Variants in IFIH1 observed in about 807,000 individuals in gnomAD.
The protein encoded by IFIH1 is interferon induced with helicase C domain 1, also known as interferon-induced helicase C domain-containing protein 1.
In IFIH1, 125 loss-of-function variants were observed where a neutral mutation model predicts 107.4. The observed-to-expected ratio is 1.16, with a 90% CI of 1.01 to 1.35. The LOEUF (loss-of-function observed/expected upper bound fraction) is 1.35, where lower values mean the gene tolerates loss of function less well. IFIH1 is among the 40% of genes most tolerant of loss of function. The pLI is 0.00. For missense variants in IFIH1, 1,333 were observed against 1,213.7 expected (o/e 1.10, Z -1.46); for synonymous variants, 458 against 413.2 (o/e 1.11, Z -1.31).
In IFIH1 at chr2:162,318,105, T is replaced by C; in HGVS notation, c.203A>G (p.Lys68Arg). The C allele has an allele frequency of 6.2e-7, 1 of 1,614,194 alleles. No homozygotes were observed. Among genetic ancestry groups the C allele is most frequent in the Non-Finnish European group, 8.5e-7 (1 of 1,180,026 alleles). The change falls in exon 1 of 16, where the codon AAG (lysine) becomes AGG (arginine). Residue 68 changes from lysine to arginine, a missense_variant. Transcript: ENST00000649979. ...AVELLLSTLE[K>R]GVWHLGWTRE... ...AGTCCAACCAAGGTGCCAGACTCCC[T>C]TCTCCAAGGTGCTCAGCAGCAGTTC...
At chr2:162,269,744 C>A (rs1054500851) in intron 13 of IFIH1, among the ~76,000 whole-genome samples, 2 of 152,136 alleles carry the variant, frequency 1.3e-5, no homozygotes, top group African/African-American at 4.8e-5. Context: ...TTGAACAAAG[C>A]CCATCTCTTT....
chr2:162,276,863 C>G lies in IFIH1; in HGVS notation c.2128G>C (p.Glu710Gln). The G allele has an allele frequency of 6.2e-7, 1 of 1,613,524 alleles. No homozygotes were observed. The highest frequency in any genetic ancestry group is 1.7e-4 in the Middle Eastern group (1 of 6,058). Residue 710 changes from glutamate (E) to glutamine (Q), a missense_variant, in exon 11 of 16, where the codon GAG (glutamate) becomes CAG (glutamine). Glu to Gln is a conservative substitution (Grantham distance 29). Coordinates refer to ENST00000649979, the MANE Select transcript of IFIH1 (RefSeq NM_022168.4). ...KLTKLRNTIM[E>Q]QYTRTEESAR... ...GATTCCTCAGTCCTAGTATATTGCT[C>G]CATTATGGTATTTCTTAATTTGGTC...
At chr2:162,278,017 T>C (rs1682734977) in intron 9 of IFIH1, among the ~76,000 whole-genome samples, 188 bp downstream of exon 9, 1 of 152,198 alleles carries the variant, frequency 6.6e-6, no homozygotes, top group African/African-American at 2.4e-5. Flanking sequence ...GAAAATTGGA[T>C]AGCATTGGAA....
At chr2:162,312,563 A>C (rs1281485599) in intron 1 of IFIH1, among the ~76,000 whole-genome samples, 3 of 152,160 alleles carry the variant, frequency 2.0e-5, no homozygotes, top group African/African-American at 7.2e-5. Context: ...TTTTAAATTC[A>C]TTTTCTGGCA....
rs145943538 is a variant in IFIH1 at position 162,311,121 on chromosome 2, G to GACA, written c.454-191_454-189dup. ...AGTCGGCAGGGAAAAAAATCTCCGGGACAACAACAACAACAACAACAAAAA... is the reference window on the plus strand; with the variant it reads ...AGTCGGCAGGGAAAAAAATCTCCGGGACAACAACAACAACAACAACAACAAAAA... On this transcript the variant is annotated intron_variant, in intron 1 of 15. Transcript: ENST00000649979. Among the ~76,000 whole-genome samples the GACA allele has an allele frequency of 6.1e-3, 931 of 151,562 alleles. 5 individuals carry two copies. The highest frequency in any genetic ancestry group is 0.01 in the Admixed American group (155 of 15,242).
Position 162,281,420 on chromosome 2 carries a change from C to T in IFIH1, c.1432G>A (p.Val478Met), listed in dbSNP as rs1018712289. The T allele has an allele frequency of 8.1e-6, 13 of 1,612,600 alleles. No homozygotes were observed. Among genetic ancestry groups the T allele is most frequent in the Non-Finnish European group, 1.0e-5 (12 of 1,179,140 alleles). ...NNRLKKENKP[V>M]IPLPQILGLT... Reference sequence around the variant, plus strand: ...CCCAGTATCTGAGGAAGGGGAATCACTGGTTTGTTTTCTTTCTTGAGTCTA... The same window carrying T: ...CCCAGTATCTGAGGAAGGGGAATCATTGGTTTGTTTTCTTTCTTGAGTCTA... Residue 478 changes from valine (V) to methionine (M), a missense_variant, in exon 7 of 16, where the codon GTG (valine) becomes ATG (methionine). Physicochemically the swap from Val to Met is conservative, Grantham distance 21. Coordinates refer to ENST00000649979, the MANE Select transcript of IFIH1 (RefSeq NM_022168.4).
At chr2:162,311,854 C>A (rs1683389649) in intron 1 of IFIH1, among the ~76,000 whole-genome samples, 1 of 152,070 alleles carries the variant, frequency 6.6e-6, no homozygotes, top group Non-Finnish European at 1.5e-5. Context: ...AAAGAAATTT[C>A]AGAGTTTCTA....
chr2:162,304,814 A>G (rs1683252275), intron 3 of IFIH1, among the ~76,000 whole-genome samples: 1 of 152,250 alleles, frequency 6.6e-6, no homozygotes, highest in Admixed American at 6.5e-5. Context: ...AAGAGAATTC[A>G]GGGAAATAAG....
rs1158864599 is a variant in IFIH1 at position 162,268,077 on chromosome 2, C to T, written c.2807+10G>A. The T allele has an allele frequency of 1.9e-6, 3 of 1,576,878 alleles. No individual in the cohort carries two copies. Among genetic ancestry groups the T allele is most frequent in the Non-Finnish European group, 2.6e-6 (3 of 1,161,686 alleles). On this transcript the variant is annotated intron_variant, in intron 14 of 15. Transcript: ENST00000649979. The stretch of plus-strand genomic sequence containing the variant: ...TGGAAAAATGTAAAAATGGGTCTTT[C>T]TGGACTCACTTGAATTCTGGGGTCA...
intron 3 of IFIH1, among the ~76,000 whole-genome samples, chr2:162,300,441 C>T (rs1683174132): frequency 6.6e-6 from 1 of 152,180 alleles, no homozygotes; most frequent in Admixed American, 6.6e-5. Flanking sequence ...ATATTTATGT[C>T]CCCATTCCTG....
At position 162,317,860 on chromosome 2, in the gene IFIH1, T is replaced by C. The variant is rs2105237729; in HGVS notation, c.448A>G (p.Asn150Asp). 6.4e-7 allele frequency: 1 copy of C among 1,571,680 alleles called. No individual in the cohort carries two copies. Among genetic ancestry groups the C allele is most frequent in the South Asian group, 1.2e-5 (1 of 83,778 alleles). ...CCATCTGAACAGACACCTACCCGGT[T>C]TCTGTCTTCAATTGTCAACAGTTCC... is the stretch of plus-strand genomic sequence containing the variant. The part of the protein sequence containing the change: ...EEELLTIEDR[N>D]RIAAAENNGN... The change falls in exon 1 of 16, where the codon AAC becomes GAC. Residue 150 changes from asparagine (N) to aspartate (D), a missense_variant. Physicochemically the swap from Asn to Asp is conservative, Grantham distance 23. Coordinates refer to ENST00000649979, the MANE Select transcript of IFIH1 (RefSeq NM_022168.4).
intron 1 of IFIH1, among the ~76,000 whole-genome samples, chr2:162,317,418 A>G (rs554183178): frequency 7.2e-5 from 11 of 152,296 alleles, no homozygotes; most frequent in African/African-American, 2.4e-4. Context: ...CACTATCACA[A>G]GCTAAATTCT....
At chr2:162,293,714 A>G (rs752325549) in intron 3 of IFIH1, 46 bp from the exon 4 acceptor site, 3 of 1,337,174 alleles carry the variant, frequency 2.2e-6, no homozygotes, top group Admixed American at 1.7e-5. Context: ...ATTTCTGAGA[A>G]TAAACGTATT....
At chr2:162,307,642 G>T (rs1683309215) in intron 2 of IFIH1, among the ~76,000 whole-genome samples, 1 of 152,144 alleles carries the variant, frequency 6.6e-6, no homozygotes, top group Admixed American at 6.5e-5. Context: ...TGTCAGAGAA[G>T]ACTGATGCCA....
intron 7 of IFIH1, among the ~76,000 whole-genome samples, chr2:162,281,100 A>G (rs1682799045): frequency 6.6e-6 from 1 of 152,040 alleles, no homozygotes; most frequent in South Asian, 2.1e-4. Context: ...CTTCCCATTA[A>G]TTATATCACT....
chr2:162,269,961 T>C (rs1443586554), intron 13 of IFIH1, among the ~76,000 whole-genome samples: 1 of 152,176 alleles, frequency 6.6e-6, no homozygotes, highest in Non-Finnish European at 1.5e-5. Flanking sequence ...TATAAGACAT[T>C]TACAGTTCAA....
intron 11 of IFIH1, among the ~76,000 whole-genome samples, chr2:162,274,867 A>G (rs1027873856): frequency 1.3e-5 from 2 of 152,160 alleles, no homozygotes; most frequent in African/African-American, 4.8e-5. Flanking sequence ...GACCAAAAGT[A>G]TGTTCTTCCA....
chr2:162,289,997 T>G (rs577309042), intron 4 of IFIH1, among the ~76,000 whole-genome samples: 4 of 151,916 alleles, frequency 2.6e-5, no homozygotes, highest in Non-Finnish European at 5.9e-5. Flanking sequence ...ACCATGATAT[T>G]TCACCTCTAT....
Position 162,318,049 on chromosome 2 carries a change from C to A in IFIH1, c.259G>T (p.Gly87Cys). The change falls in exon 1 of 16, where the codon GGC becomes TGC. Residue 87 changes from glycine to cysteine, a missense_variant. Gly to Cys is a radical substitution (Grantham distance 159). Coordinates refer to ENST00000649979, the MANE Select transcript of IFIH1 (RefSeq NM_022168.4). ...REFVEALRRT[G>C]SPLAARYMNP... Reference sequence around the variant, plus strand: ...ATGTAGCGGGCGGCCAGAGGGCTGCCGGTTCTCCGGAGGGCCTCCACGAAT... The same window carrying A: ...ATGTAGCGGGCGGCCAGAGGGCTGCAGGTTCTCCGGAGGGCCTCCACGAAT... 6.2e-7 allele frequency: 1 copy of A among 1,614,146 alleles called. No individual in the cohort carries two copies. The highest frequency in any genetic ancestry group is 8.5e-7 in the Non-Finnish European group (1 of 1,180,028).
Sources: gnomAD v4.1 joint callset for allele counts (sites outside exome capture counted in the v4.1 genomes callset) on GRCh38, gnomAD v4.1.1 for gene constraint, MANE v1.5 for transcripts, NCBI Gene and HGNC (gene_info 2026-07-23, HGNC 2026-07-21) for gene names.